ATP11A: variants seen among roughly 807,000 people sequenced by gnomAD.
ATP11A encodes the protein phospholipid-transporting ATPase IH.
ATP11A carries 81 observed loss-of-function variants against 154.4 expected under a neutral mutation model. The ratio of observed to expected loss-of-function variants is 0.52; its 90% CI spans 0.44 to 0.63. The LOEUF (loss-of-function observed/expected upper bound fraction) is 0.63, where lower values mean the gene tolerates loss of function less well. Among genes scored for constraint, ATP11A ranks in the 30% least tolerant of loss-of-function variants. The probability of loss-of-function intolerance (pLI) is 0.00; values close to 1 mark genes in which losing one functional copy is unlikely to be tolerated. For missense variants in ATP11A, 1,316 were observed against 1,474.3 expected, an observed-to-expected ratio of 0.89 and a Z score of 1.76; for synonymous variants, 623 against 585.9, an observed-to-expected ratio of 1.06 and a Z score of -0.91.
intron 17 of ATP11A, among the ~76,000 whole-genome samples, chr13:112,844,798 T>TACTAACC (rs1230982410): frequency 8.1e-6 from 1 of 123,940 alleles, no homozygotes; most frequent in Non-Finnish European, 1.7e-5. Context: ...TGCCGGGTGT[T>TACTAACC]AGTGGTACTA....
At chr13:112,835,309 G>A (rs577399016) in intron 15 of ATP11A, among the ~76,000 whole-genome samples, 11 of 152,334 alleles carry the variant, frequency 7.2e-5, no homozygotes, top group African/African-American at 1.9e-4. Flanking sequence ...TCATGGTTCC[G>A]GCAAAGACAC....
At chr13:112,772,484 C>T (rs1180871421) in intron 1 of ATP11A, among the ~76,000 whole-genome samples, 1 of 152,132 alleles carries the variant, frequency 6.6e-6, no homozygotes, top group African/African-American at 2.4e-5. Flanking sequence ...TTATATTTAC[C>T]AAGCTACACA....
intron 1 of ATP11A, among the ~76,000 whole-genome samples, chr13:112,770,559 C>G (rs2077201450): frequency 6.6e-6 from 1 of 152,320 alleles, no homozygotes; most frequent in Admixed American, 6.5e-5. Flanking sequence ...AAGCCTCACC[C>G]CAGACCCCAG....
chr13:112,751,295 A>G (rs1594541267), intron 1 of ATP11A, among the ~76,000 whole-genome samples: 1 of 152,144 alleles, frequency 6.6e-6, no homozygotes, highest in African/African-American at 2.4e-5. Flanking sequence ...CTGCGAATAC[A>G]CCCTGCCATT....
chr13:112,717,119 G>A (rs866235104), intron 1 of ATP11A, among the ~76,000 whole-genome samples: 12 of 152,238 alleles, frequency 7.9e-5, no homozygotes, highest in African/African-American at 2.2e-4. Context: ...GAAGCCAGGA[G>A]GAGAGCAGAC....
chr13:112,881,428 A>C (rs9549317), intron 29 of ATP11A: 1 of 1,041,314 alleles, frequency 9.6e-7, no homozygotes, highest in Admixed American at 5.0e-5. Context: ...CCTTTTGTTC[A>C]AGGGTCTCTG....
intron 4 of ATP11A, among the ~76,000 whole-genome samples, chr13:112,809,894 G>A (rs1028147400): frequency 6.6e-6 from 1 of 152,228 alleles, no homozygotes; most frequent in African/African-American, 2.4e-5. Flanking sequence ...TGGAATCGGA[G>A]TGCACGTGTC....
intron 1 of ATP11A, among the ~76,000 whole-genome samples, chr13:112,728,169 A>G (rs1175224133): frequency 2.0e-5 from 3 of 152,210 alleles, no homozygotes; most frequent in African/African-American, 2.4e-5. Flanking sequence ...GGTGCCAGTT[A>G]GCTTAATTTA....
At chr13:112,818,279 C>T (rs115630195) in intron 6 of ATP11A, among the ~76,000 whole-genome samples, 98 of 139,480 alleles carry the variant, frequency 7.0e-4, no homozygotes, top group African/African-American at 2.6e-3. Flanking sequence ...ACCGTTGGTG[C>T]GCTTGGTGAC....
chr13:112,720,478 G>A (rs1471755578), intron 1 of ATP11A, among the ~76,000 whole-genome samples: 3 of 152,226 alleles, frequency 2.0e-5, no homozygotes, highest in African/African-American at 4.8e-5. Flanking sequence ...CGCGGGTCCC[G>A]TGAGCCTGGG....
At position 112,842,420 on chromosome 13, in the gene ATP11A, C is replaced by G. The variant is rs1172633635; in HGVS notation, c.1809+41C>G. On this transcript the variant is annotated intron_variant, in intron 17 of 29. Coordinates refer to ENST00000375645, the MANE Select transcript of ATP11A (RefSeq NM_015205.3). ...GGGAGGGCCTCGTGGCGGTCAGCTCCCCTGCTGTCAGGAAGGAATTCCATG... is the reference window on the plus strand; with the variant it reads ...GGGAGGGCCTCGTGGCGGTCAGCTCGCCTGCTGTCAGGAAGGAATTCCATG... 3 of 1,405,198 alleles carry G rather than the reference C, an allele frequency of 2.1e-6. No homozygotes were observed. In the South Asian group the frequency reaches 3.7e-5, roughly 17 times the overall value. 87.0% of individuals were successfully genotyped at this position (1,405,198 alleles called of 1,614,324 possible). A position where few individuals can be genotyped will look rare whatever the true frequency, so the allele number is the denominator to read the frequency against.
chr13:112,835,173 T>A (rs910182304), intron 15 of ATP11A, among the ~76,000 whole-genome samples: 5 of 152,144 alleles, frequency 3.3e-5, no homozygotes, highest in African/African-American at 1.2e-4. Context: ...TTCATATCTT[T>A]AAAACTCTTC....
intron 17 of ATP11A, among the ~76,000 whole-genome samples, chr13:112,843,132 G>C (rs776745256): frequency 6.6e-6 from 1 of 150,980 alleles, no homozygotes; most frequent in Non-Finnish European, 1.5e-5. Context: ...TTGGGTGGAC[G>C]TGCTCTCTCC....
rs188933573 is a variant in ATP11A, at chr13:112,860,386, G to A, written c.2827G>A (p.Val943Met). The A allele has an allele frequency of 2.0e-5, 32 of 1,614,120 alleles. No individual in the cohort carries two copies. The highest frequency in any genetic ancestry group is 5.3e-5 in the African/African-American group (4 of 75,016). Residue 943 changes from valine (V) to methionine (M), a missense_variant, in exon 24 of 30, where the codon GTG (valine) becomes ATG (methionine). Val to Met is a conservative substitution (Grantham distance 21). Transcript: ENST00000375645. The stretch of plus-strand genomic sequence containing the variant: ...CATGGAGCAGCATGTTGGCATTGAC[G>A]TGCTCAAGAGAGACCCGACCCTGTA... ...SLMEQHVGID[V>M]LKRDPTLYRD...
intron 17 of ATP11A, among the ~76,000 whole-genome samples, chr13:112,847,235 A>G (rs1566566861): frequency 6.6e-6 from 1 of 152,246 alleles, no homozygotes; most frequent in Non-Finnish European, 1.5e-5. Flanking sequence ...TAAAATAAGT[A>G]GAAAGACAGT....
intron 1 of ATP11A, among the ~76,000 whole-genome samples, chr13:112,717,982 A>C (rs1229284351): frequency 6.6e-6 from 1 of 152,214 alleles, no homozygotes; most frequent in African/African-American, 2.4e-5. Context: ...GAGCCGAGTC[A>C]GGAGAATCAC....
In ATP11A at chr13:112,785,360, G is replaced by T; in HGVS notation, c.162+103G>T. The T allele has an allele frequency of 7.8e-7, 1 of 1,274,476 alleles. No homozygotes were observed. 78.9% of individuals were successfully genotyped at this position (1,274,476 alleles called of 1,614,324 possible). A position where few individuals can be genotyped will look rare whatever the true frequency, so the allele number is the denominator to read the frequency against. On this transcript the variant is annotated intron_variant, in intron 2 of 29. Coordinates refer to ENST00000375645, the MANE Select transcript of ATP11A (RefSeq NM_015205.3). The surrounding 1 kb of genome is among the most constrained non-coding windows in gnomAD (Gnocchi z 4.8). ...AAAGAGCGGCTCTGCTCCTGGCCCT[G>T]CTGTCACAGCCACCAGCCACCCCCA...
At chr13:112,726,696 T>C (rs1223150447) in intron 1 of ATP11A, among the ~76,000 whole-genome samples, 1 of 152,190 alleles carries the variant, frequency 6.6e-6, no homozygotes, top group Non-Finnish European at 1.5e-5. Flanking sequence ...AAAAAGTCCA[T>C]TGCTTTTGCA....
At chr13:112,743,901 T>G (rs958005945) in intron 1 of ATP11A, among the ~76,000 whole-genome samples, 1 of 152,210 alleles carries the variant, frequency 6.6e-6, no homozygotes, top group Non-Finnish European at 1.5e-5. Context: ...TTTAACCAGG[T>G]CTGAAGGAAA....
Sources: allele counts gnomAD v4.1 joint callset (sites outside exome capture counted in the v4.1 genomes callset), GRCh38; gene constraint gnomAD v4.1.1; non-coding constraint Gnocchi (gnomAD v3.1); transcripts MANE v1.5; gene names NCBI Gene and HGNC (gene_info 2026-07-23, HGNC 2026-07-21).